FGF12: variants seen among roughly 807,000 people sequenced by gnomAD.
The protein encoded by FGF12 is fibroblast growth factor 12B.
A neutral mutation model predicts 23.6 loss-of-function variants in FGF12; 14 were observed. The observed-to-expected ratio is 0.59, with a 90% CI of 0.39 to 0.93. The LOEUF is 0.93. FGF12 is among the 40% of genes least tolerant of loss of function. The probability of loss-of-function intolerance (pLI) is 0.00; values close to 1 mark genes in which losing one functional copy is unlikely to be tolerated. For synonymous variants in FGF12, 62 were observed against 77.3 expected (o/e 0.80, Z 1.04); for missense variants, 175 against 217.8 (o/e 0.80, Z 1.24).
intron 2 of FGF12, among the ~76,000 whole-genome samples, chr3:192,649,797 G>A (rs576995682): frequency 6.6e-6 from 1 of 151,890 alleles, no homozygotes; most frequent in Non-Finnish European, 1.5e-5. Flanking sequence ...CTGACCTCAA[G>A]TGATCTGCCC....
At chr3:192,600,248 A>G (rs971852) in intron 2 of FGF12, among the ~76,000 whole-genome samples, 33,753 of 147,714 alleles carry the variant, frequency 0.23, 4,545 homozygotes, top group East Asian at 0.35. Context: ...CCATTGGTCT[A>G]TGTGTCTGTT....
At chr3:192,563,392 C>A (rs1712133599) in intron 2 of FGF12, among the ~76,000 whole-genome samples, 1 of 152,190 alleles carries the variant, frequency 6.6e-6, no homozygotes, top group Non-Finnish European at 1.5e-5. Context: ...ACATTCACCA[C>A]TTGCTCAAAC....
In FGF12 at chr3:192,439,848, G is replaced by A. The variant is rs1722147730; in HGVS notation, c.14-79310C>T. Among the ~76,000 whole-genome samples, 2 of 151,808 alleles carry A rather than the reference G, an allele frequency of 1.3e-5. 1 individual carries two copies. Among genetic ancestry groups the A allele is most frequent in the South Asian group, 4.2e-4 (2 of 4,806 alleles). On this transcript the variant is annotated intron_variant, in intron 2 of 5. Transcript: ENST00000445105. ...AAAATTTAGCCGGGTGTGGTGGTGG[G>A]CGCCTGTAATCCCAGCTACTTGGGA... is the stretch of plus-strand genomic sequence containing the variant.
intron 2 of FGF12, among the ~76,000 whole-genome samples, chr3:192,628,942 A>C (rs1413545149): frequency 6.6e-6 from 1 of 152,222 alleles, no homozygotes; most frequent in East Asian, 1.9e-4. Context: ...TGCAGAGCTA[A>C]GAACCAGAGG....
At chr3:192,281,756 C>G (rs1175553218) in intron 4 of FGF12, among the ~76,000 whole-genome samples, 1 of 152,064 alleles carries the variant, frequency 6.6e-6, no homozygotes, top group South Asian at 2.1e-4. Context: ...CAGGGCTTAC[C>G]TAAAACATAA....
chr3:192,268,923 AT>A (rs1484481360), intron 4 of FGF12, among the ~76,000 whole-genome samples: 2 of 151,744 alleles, frequency 1.3e-5, no homozygotes, highest in African/African-American at 4.8e-5. Context: ...TTTGTTTTTT[AT>A]TTTTTTGAGA....
chr3:192,311,522 A>G (rs1715934412), intron 4 of FGF12, among the ~76,000 whole-genome samples: 1 of 152,164 alleles, frequency 6.6e-6, no homozygotes, highest in East Asian at 1.9e-4. Context: ...GAATATACCA[A>G]ACTTTATTTA....
At chr3:192,509,979 T>A (rs1224979012) in intron 2 of FGF12, among the ~76,000 whole-genome samples, 1 of 152,206 alleles carries the variant, frequency 6.6e-6, no homozygotes, top group Non-Finnish European at 1.5e-5. Context: ...AAGTTTTAAC[T>A]TTTTATTTGC....
At chr3:192,469,039 A>T (rs1723087367) in intron 2 of FGF12, among the ~76,000 whole-genome samples, 1 of 152,170 alleles carries the variant, frequency 6.6e-6, no homozygotes, top group Non-Finnish European at 1.5e-5. Context: ...AAATTGTTCC[A>T]GATTTGGATA....
At chr3:192,495,511 A>G (rs1023574242) in intron 2 of FGF12, among the ~76,000 whole-genome samples, 37 of 152,198 alleles carry the variant, frequency 2.4e-4, no homozygotes, top group African/African-American at 8.4e-4. Context: ...AAAGTGTTTT[A>G]GACCTACTTG....
At chr3:192,317,037 G>C (rs941326753) in intron 4 of FGF12, among the ~76,000 whole-genome samples, 2 of 152,056 alleles carry the variant, frequency 1.3e-5, no homozygotes, top group Non-Finnish European at 2.9e-5. Flanking sequence ...GTTCTGGCAG[G>C]ATCCATCACC....
At chr3:192,312,950 C>T (rs1716037032) in intron 4 of FGF12, among the ~76,000 whole-genome samples, 1 of 151,980 alleles carries the variant, frequency 6.6e-6, no homozygotes, top group African/African-American at 2.4e-5. Context: ...AATAGGTGAA[C>T]AAATTAAAAT....
intron 2 of FGF12, among the ~76,000 whole-genome samples, chr3:192,656,320 CAGAGAG>C (rs568490830): frequency 3.8e-5 from 2 of 52,670 alleles, no homozygotes; most frequent in East Asian, 1.2e-3. Context: ...CACACACACA[CAGAGAG>C]AGAATTATAG....
At chr3:192,292,200 T>C (rs1714793159) in intron 4 of FGF12, among the ~76,000 whole-genome samples, 1 of 152,204 alleles carries the variant, frequency 6.6e-6, no homozygotes, top group South Asian at 2.1e-4. Flanking sequence ...TTTGTTCACA[T>C]ATGGACCAAG....
At chr3:192,269,549 T>C (rs1195797104) in intron 4 of FGF12, among the ~76,000 whole-genome samples, 2 of 152,190 alleles carry the variant, frequency 1.3e-5, no homozygotes, top group Non-Finnish European at 2.9e-5. Flanking sequence ...ATAATATTAC[T>C]GTTAGGCTTA....
At chr3:192,399,820 T>C (rs1481261633) in intron 2 of FGF12, among the ~76,000 whole-genome samples, 2 of 152,220 alleles carry the variant, frequency 1.3e-5, no homozygotes, top group East Asian at 3.9e-4. Context: ...TGTCATTCTT[T>C]ACTTCTAGGG....
intron 2 of FGF12, among the ~76,000 whole-genome samples, chr3:192,708,104 C>T (rs975929736): frequency 8.5e-5 from 13 of 152,054 alleles, no homozygotes; most frequent in African/African-American, 2.2e-4. Context: ...GGACTACAGG[C>T]GCCTGCCACC....
intron 2 of FGF12, among the ~76,000 whole-genome samples, chr3:192,548,535 T>C (rs1725553153): frequency 6.6e-6 from 1 of 152,198 alleles, no homozygotes; most frequent in African/African-American, 2.4e-5. Context: ...GATTGATTCT[T>C]ATCAACTGTG....
intron 2 of FGF12, among the ~76,000 whole-genome samples, chr3:192,496,013 A>G (rs1354119): frequency 0.82 from 124,975 of 152,076 alleles, 52,252 homozygotes; most frequent in Non-Finnish European, 0.9. Context: ...CCATGATTAA[A>G]GTTTTTCTAA....
Sources: allele counts gnomAD v4.1 joint callset (sites outside exome capture counted in the v4.1 genomes callset), GRCh38; gene constraint gnomAD v4.1.1; transcripts MANE v1.5; gene names NCBI Gene and HGNC (gene_info 2026-07-23, HGNC 2026-07-21).